CDKL4: variants seen among roughly 807,000 people sequenced by gnomAD.
The protein encoded by CDKL4 is cyclin-dependent kinase-like 4.
CDKL4 carries 44 observed loss-of-function variants against 42.0 expected under a neutral mutation model. The ratio of observed to expected loss-of-function variants is 1.05; its 90% CI spans 0.82 to 1.35. CDKL4 has a LOEUF of 1.35. Among genes scored for constraint, CDKL4 ranks in the 40% most tolerant of loss-of-function variants. CDKL4 has a pLI of 0.00. For missense variants in CDKL4, 393 were observed against 369.9 expected, an observed-to-expected ratio of 1.06 and a Z score of -0.51; for synonymous variants, 120 against 121.6, an observed-to-expected ratio of 0.99 and a Z score of 0.09.
At chr2:39,199,425 G>A (rs1343352132) in intron 5 of CDKL4, among the ~76,000 whole-genome samples, 1 of 151,902 alleles carries the variant, frequency 6.6e-6, no homozygotes, top group Non-Finnish European at 1.5e-5. Flanking sequence ...AGAAAAATTG[G>A]TACTAATCCT....
chr2:39,199,676 G>T (rs1261898220), intron 5 of CDKL4, among the ~76,000 whole-genome samples: 1 of 152,076 alleles, frequency 6.6e-6, no homozygotes, highest in Non-Finnish European at 1.5e-5. Flanking sequence ...ATGCAGGGAT[G>T]GTTTAACATC....
chr2:39,181,578 G>C (rs1256003888), intron 8 of CDKL4, among the ~76,000 whole-genome samples: 1 of 152,128 alleles, frequency 6.6e-6, no homozygotes, highest in Non-Finnish European at 1.5e-5. Context: ...CAGGACCTCA[G>C]AATGTTACCT....
chr2:39,182,928 G>C (rs566651815), intron 8 of CDKL4, among the ~76,000 whole-genome samples: 4 of 152,306 alleles, frequency 2.6e-5, no homozygotes, highest in Admixed American at 6.5e-5. Flanking sequence ...CCCTGCATAG[G>C]TTATGATTCG....
At chr2:39,219,097 C>G (rs1246530072) in intron 3 of CDKL4, among the ~76,000 whole-genome samples, 1 of 152,116 alleles carries the variant, frequency 6.6e-6, no homozygotes, top group Non-Finnish European at 1.5e-5. Flanking sequence ...TTATTATAGC[C>G]CCAGCACCTA....
chr2:39,223,219 G>C (rs963213559), intron 3 of CDKL4, among the ~76,000 whole-genome samples: 2 of 151,948 alleles, frequency 1.3e-5, no homozygotes, highest in Non-Finnish European at 2.9e-5. Flanking sequence ...GGAAAATTAG[G>C]GGAGTCCAAT....
At chr2:39,214,163 T>C (rs774343939) in intron 3 of CDKL4, among the ~76,000 whole-genome samples, 7 of 152,200 alleles carry the variant, frequency 4.6e-5, no homozygotes, top group African/African-American at 1.7e-4. Context: ...CCTCAGATGA[T>C]CCACCTGCCT....
At position 39,209,069 on chromosome 2, in the gene CDKL4, G is replaced by A. The variant is rs542781436; in HGVS notation, c.363+4331C>T. Among the ~76,000 whole-genome samples the A allele has an allele frequency of 9.2e-5, 14 of 151,774 alleles. No individual in the cohort carries two copies. In the East Asian group the frequency reaches 2.5e-3, roughly 27 times the overall value. ...TAATCCTAGCTCTTTGGGAGGCCAA[G>A]GTGGGAGAATCGCTTGAGGTCAGGG... On this transcript the variant is annotated intron_variant, in intron 4 of 9. Coordinates refer to ENST00000451199, the Ensembl canonical transcript of CDKL4.
chr2:39,207,465 A>T (rs1677273404), intron 4 of CDKL4, among the ~76,000 whole-genome samples: 1 of 152,224 alleles, frequency 6.6e-6, no homozygotes. Context: ...TAAGAAACTT[A>T]GACTAACACT....
intron 5 of CDKL4, among the ~76,000 whole-genome samples, chr2:39,195,373 C>T (rs556469411): frequency 6.6e-6 from 1 of 152,178 alleles, no homozygotes; most frequent in South Asian, 2.1e-4. Flanking sequence ...TTTTGAAGAG[C>T]TGCCATACTG....
chr2:39,216,313 G>A (rs1382068446), intron 3 of CDKL4, among the ~76,000 whole-genome samples: 1 of 152,168 alleles, frequency 6.6e-6, no homozygotes, highest in Non-Finnish European at 1.5e-5. Flanking sequence ...AATAGCAAGA[G>A]GCCCTGAGGA....
chr2:39,229,827 A>G (rs1400811757), intron 1 of CDKL4, among the ~76,000 whole-genome samples: 1 of 152,238 alleles, frequency 6.6e-6, no homozygotes, highest in Non-Finnish European at 1.5e-5. Context: ...CAGTTGAACT[A>G]AAAGAATTTG....
At chr2:39,181,393 A>G (rs940710776) in intron 8 of CDKL4, among the ~76,000 whole-genome samples, 4 of 152,030 alleles carry the variant, frequency 2.6e-5, no homozygotes, top group African/African-American at 9.7e-5. Context: ...TTTGCTGCCT[A>G]TGGCTTCAAT....
chr2:39,232,211 G>A (rs1387882330), intron 1 of CDKL4, among the ~76,000 whole-genome samples: 1 of 152,094 alleles, frequency 6.6e-6, no homozygotes, highest in South Asian at 2.1e-4. Context: ...AAAGCTCCAG[G>A]AAATAGTACT....
intron 5 of CDKL4, among the ~76,000 whole-genome samples, chr2:39,196,685 G>A (rs1676534138): frequency 6.6e-6 from 1 of 152,064 alleles, no homozygotes; most frequent in South Asian, 2.1e-4. Flanking sequence ...TTGGCTCACT[G>A]CAACCTCTGC....
chr2:39,216,346 G>T (rs568776861), intron 3 of CDKL4, among the ~76,000 whole-genome samples: 1 of 152,192 alleles, frequency 6.6e-6, no homozygotes, highest in African/African-American at 2.4e-5. Flanking sequence ...GAGGTGTGGG[G>T]AAAGCAGTAT....
At position 39,214,164 on chromosome 2, in the gene CDKL4, C is replaced by T. The variant is rs578033627; in HGVS notation, c.291-692G>A. Among the ~76,000 whole-genome samples, 5 of 152,284 alleles carry T rather than the reference C, an allele frequency of 3.3e-5. No homozygotes were observed. In the South Asian group the frequency reaches 6.2e-4, roughly 19 times the overall value. ...TCTTGAACTCTCGACCTCAGATGAT[C>T]CACCTGCCTCGCCCTCCTAAAGTGC... On this transcript the variant is annotated intron_variant, in intron 3 of 9. Coordinates refer to ENST00000451199, the Ensembl canonical transcript of CDKL4.
At chr2:39,169,690 T>C in the CDKL4 span, among the ~76,000 whole-genome samples, 1 of 152,226 alleles carries the variant, frequency 6.6e-6, no homozygotes, top group Non-Finnish European at 1.5e-5. Flanking sequence ...AAAAGTTAAA[T>C]GTTGTGTCAA....
chr2:39,201,078 G>A (rs1282771270), intron 5 of CDKL4, among the ~76,000 whole-genome samples: 1 of 151,896 alleles, frequency 6.6e-6, no homozygotes, highest in Non-Finnish European at 1.5e-5. Flanking sequence ...TCCAACAGAG[G>A]ACTAATATCC....
intron 5 of CDKL4, among the ~76,000 whole-genome samples, chr2:39,202,443 G>A (rs540227123): frequency 1.3e-5 from 2 of 152,002 alleles, no homozygotes; most frequent in African/African-American, 4.8e-5. Flanking sequence ...TTCTTTATTA[G>A]GTATAAATTT....
Sources: allele counts gnomAD v4.1 joint callset (sites outside exome capture counted in the v4.1 genomes callset), GRCh38; gene constraint gnomAD v4.1.1; transcripts MANE v1.5; gene names NCBI Gene and HGNC (gene_info 2026-07-23, HGNC 2026-07-21).